Variants in SMARCC1 observed in about 807,000 individuals in gnomAD.
SMARCC1 encodes the protein SWI/SNF related BAF chromatin remodeling complex subunit C1.
A neutral mutation model predicts 147.4 loss-of-function variants in SMARCC1; 43 were observed. The observed-to-expected ratio is 0.29, with a 90% CI of 0.23 to 0.38. The LOEUF is 0.38. Among genes scored for constraint, SMARCC1 ranks in the 10% least tolerant of loss-of-function variants. SMARCC1 has a pLI of 1.00. For synonymous variants in SMARCC1, 495 were observed against 484.4 expected (o/e 1.02, Z -0.29); for missense variants, 1,119 against 1,381.1 (o/e 0.81, Z 3.01).
chr3:47,739,583 C>T (rs2034484407), intron 3 of SMARCC1, among the ~76,000 whole-genome samples: 1 of 152,200 alleles, frequency 6.6e-6, no homozygotes, highest in African/African-American at 2.4e-5. Context: ...ATCCTCCCAC[C>T]TCAGCCTCCC....
At chr3:47,775,458 C>A (rs1392589119) in intron 1 of SMARCC1, among the ~76,000 whole-genome samples, 2 of 148,720 alleles carry the variant, frequency 1.3e-5, no homozygotes, top group Non-Finnish European at 3.0e-5. Flanking sequence ...CCGCGCCCAG[C>A]CCCGTAAATT....
chr3:47,607,097 G>C (rs1374446165), intron 26 of SMARCC1, among the ~76,000 whole-genome samples: 1 of 152,094 alleles, frequency 6.6e-6, no homozygotes, highest in Non-Finnish European at 1.5e-5. Flanking sequence ...TCTTTTGAAA[G>C]CTTAACTCTG....
intron 1 of SMARCC1, among the ~76,000 whole-genome samples, chr3:47,778,675 A>G (rs2035007665): frequency 6.6e-6 from 1 of 152,114 alleles, no homozygotes; most frequent in Non-Finnish European, 1.5e-5. Context: ...ACAAAAATTT[A>G]TTAGTCTCAA....
At chr3:47,689,561 T>G (rs2033766788) in intron 12 of SMARCC1, 137 bp from the exon 13 acceptor site, 2 of 688,784 alleles carry the variant, frequency 2.9e-6, no homozygotes, top group African/African-American at 1.8e-5. Flanking sequence ...AAAATCACTC[T>G]GAATAATTCA....
intron 21 of SMARCC1, among the ~76,000 whole-genome samples, chr3:47,649,187 T>C (rs1014964448): frequency 2.6e-5 from 4 of 152,246 alleles, no homozygotes; most frequent in Non-Finnish European, 4.4e-5. Context: ...GATGATCAAA[T>C]ATGGTTCCAC....
chr3:47,754,148 T>A (rs930585635), intron 2 of SMARCC1, among the ~76,000 whole-genome samples: 28 of 152,006 alleles, frequency 1.8e-4, no homozygotes, highest in African/African-American at 6.5e-4. Flanking sequence ...GAATTTATCA[T>A]GAAGCACTTT....
At chr3:47,727,439 G>A (rs1425721660) in intron 6 of SMARCC1, among the ~76,000 whole-genome samples, 4 of 151,966 alleles carry the variant, frequency 2.6e-5, no homozygotes, top group Non-Finnish European at 5.9e-5. Context: ...CCCAGGAGGC[G>A]GAGGTTGCAG....
intron 21 of SMARCC1, among the ~76,000 whole-genome samples, chr3:47,657,191 A>G (rs1044626151): frequency 2.0e-5 from 3 of 152,238 alleles, no homozygotes; most frequent in Non-Finnish European, 4.4e-5. Context: ...CCCACTTTCA[A>G]TAAAGGAGAG....
chr3:47,751,552 A>C (rs1396795391), intron 2 of SMARCC1, among the ~76,000 whole-genome samples: 1 of 26,660 alleles, frequency 3.8e-5, no homozygotes, highest in Admixed American at 4.2e-4. Flanking sequence ...AAAAAAAAAA[A>C]AAAGAAAACA....
chr3:47,648,629 A>C (rs1021996818), intron 21 of SMARCC1, among the ~76,000 whole-genome samples: 1 of 151,892 alleles, frequency 6.6e-6, no homozygotes, highest in African/African-American at 2.4e-5. Flanking sequence ...CCTTAGCCCA[A>C]ATGATTCTCC....
intron 7 of SMARCC1, among the ~76,000 whole-genome samples, chr3:47,716,283 T>C (rs1236420027): frequency 6.6e-6 from 1 of 151,680 alleles, no homozygotes; most frequent in Non-Finnish European, 1.5e-5. Flanking sequence ...CGGGGCGTTG[T>C]AGTGTGCACC....
At chr3:47,755,499 A>G (rs1332940673) in intron 2 of SMARCC1, among the ~76,000 whole-genome samples, 17 of 150,716 alleles carry the variant, frequency 1.1e-4, no homozygotes, top group Non-Finnish European at 1.5e-5. Context: ...TCTGTCTCAA[A>G]AAAAAAAAAA....
chr3:47,769,553 C>T (rs1258166434), intron 2 of SMARCC1, among the ~76,000 whole-genome samples: 2 of 151,902 alleles, frequency 1.3e-5, no homozygotes. Context: ...TGTGTTGCCA[C>T]CACTACCTGA....
chr3:47,727,871 C>T lies in SMARCC1; in HGVS notation c.646+1154G>A, dbSNP rs893722329. Among the ~76,000 whole-genome samples, 4 of 151,572 alleles carry T rather than the reference C, an allele frequency of 2.6e-5. No homozygotes were observed. In the South Asian group the frequency reaches 8.3e-4, roughly 31 times the overall value. On this transcript the variant is annotated intron_variant, in intron 6 of 27. Transcript: ENST00000254480. ...CTCCCAGAGTGCTGGGATTACAGGC[C>T]TGAGCCACAGCGCCAGGCCTTGTTT...
At chr3:47,718,353 G>A (rs1384696680) in intron 7 of SMARCC1, among the ~76,000 whole-genome samples, 1 of 152,046 alleles carries the variant, frequency 6.6e-6, no homozygotes. Context: ...GCTAAGGCAT[G>A]AGAATCGCTA....
At chr3:47,650,744 G>T (rs2033179955) in intron 21 of SMARCC1, among the ~76,000 whole-genome samples, 1 of 151,636 alleles carries the variant, frequency 6.6e-6, no homozygotes, top group African/African-American at 2.4e-5. Context: ...GAGCCCAGGA[G>T]GTCAAGGCTG....
At chr3:47,678,075 T>C (rs1471758530) in intron 16 of SMARCC1, 123 bp downstream of exon 16, 1 of 467,822 alleles carries the variant, frequency 2.1e-6, no homozygotes, top group Non-Finnish European at 3.9e-6. Context: ...AACCCCTAAA[T>C]GGCATAACTA....
At position 47,771,951 on chromosome 3, in the gene SMARCC1, G is replaced by A. The variant is rs144601076; in HGVS notation, c.315+866C>T. On this transcript the variant is annotated intron_variant, in intron 2 of 27. Coordinates refer to ENST00000254480, the MANE Select transcript of SMARCC1 (RefSeq NM_003074.4). ...ACAAAAATTAGCTGGGTGTGGTGGC[G>A]CGCACCTGTAATCCTAGCTATTCGG... Among the ~76,000 whole-genome samples the A allele has an allele frequency of 2.7e-3, 414 of 151,640 alleles. 2 individuals are homozygous for A. Among genetic ancestry groups the A allele is most frequent in the African/African-American group, 8.5e-3 (351 of 41,300 alleles).
chr3:47,779,678 T>C (rs932641736), intron 1 of SMARCC1, among the ~76,000 whole-genome samples: 3 of 152,188 alleles, frequency 2.0e-5, no homozygotes, highest in Non-Finnish European at 4.4e-5. Flanking sequence ...ATCGAAGGAT[T>C]ATCCATGTCT....
Sources: gnomAD v4.1 joint callset for allele counts (sites outside exome capture counted in the v4.1 genomes callset) on GRCh38, gnomAD v4.1.1 for gene constraint, MANE v1.5 for transcripts, NCBI Gene and HGNC (gene_info 2026-07-23, HGNC 2026-07-21) for gene names.